Variants in NALF1 observed in about 807,000 individuals in gnomAD.
NALF1 encodes the protein NALCN channel auxiliary factor 1, also known as family with sequence similarity 155 member A.
NALF1 carries 3 observed loss-of-function variants against 48.4 expected under a neutral mutation model. The ratio of observed to expected loss-of-function variants is 0.06; its 90% CI spans 0.03 to 0.16. The LOEUF is 0.16. NALF1 is among the 10% of genes least tolerant of loss of function. NALF1 has a pLI of 1.00. For synonymous variants in NALF1, 262 were observed against 245.7 expected, an observed-to-expected ratio of 1.07 and a Z score of -0.62; for missense variants, 526 against 571.5, an observed-to-expected ratio of 0.92 and a Z score of 0.81.
intron 1 of NALF1, among the ~76,000 whole-genome samples, chr13:107,374,536 T>G (rs1168082326): frequency 6.6e-6 from 1 of 152,108 alleles, no homozygotes; most frequent in Non-Finnish European, 1.5e-5. Flanking sequence ...AAAGACACAT[T>G]TTATAATCAA....
At position 107,864,183 on chromosome 13, in the gene NALF1, G is replaced by T. The variant is rs1233362385; in HGVS notation, c.915+1499C>A. Among the ~76,000 whole-genome samples, 3 of 152,042 alleles carry T rather than the reference G, an allele frequency of 2.0e-5. No individual in the cohort carries two copies. The East Asian group carries it at 5.8e-4, about 29-fold the overall frequency. On this transcript the variant is annotated intron_variant, in intron 1 of 2. Transcript: ENST00000375915. Reference sequence around the variant, plus strand: ...CCCAGGCATAAGTTAAAGTGATATGGTTAAAAAAATAGATAAAAAAGTTTA... The same window carrying T: ...CCCAGGCATAAGTTAAAGTGATATGTTTAAAAAAATAGATAAAAAAGTTTA...
intron 1 of NALF1, among the ~76,000 whole-genome samples, chr13:107,663,522 C>T (rs1302795686): frequency 2.0e-5 from 3 of 152,164 alleles, no homozygotes; most frequent in African/African-American, 4.8e-5. Context: ...TCAAGATAAT[C>T]GTATTTTCAT....
chr13:107,624,800 T>C (rs964151443), intron 1 of NALF1, among the ~76,000 whole-genome samples: 2 of 152,208 alleles, frequency 1.3e-5, no homozygotes, highest in Non-Finnish European at 2.9e-5. Context: ...CAAGGAATAA[T>C]GGTTGCTTAT....
rs572720713 is a variant in NALF1, at chr13:107,637,932, TAGAG to T, written c.915+227746_915+227749del. On this transcript the variant is annotated intron_variant, in intron 1 of 2. Transcript: ENST00000375915. ...GCATTTTAGCTTGTGATTCTTGACT[TAGAG>T]AGTCAAATTAGCCTTAGAAACGTCA... 1.7e-3 allele frequency among the ~76,000 whole-genome samples: 253 copies of T among 152,024 alleles called. 2 individuals are homozygous for T. Among genetic ancestry groups the T allele is most frequent in the African/African-American group, 5.9e-3 (243 of 41,508 alleles).
chr13:107,267,472 T>C (rs1881065823), intron 1 of NALF1, among the ~76,000 whole-genome samples: 1 of 151,978 alleles, frequency 6.6e-6, no homozygotes, highest in Admixed American at 6.5e-5. Context: ...CTGTGTGTTG[T>C]CTGTGGTGGT....
At chr13:107,815,325 T>C (rs908318219) in intron 1 of NALF1, among the ~76,000 whole-genome samples, 1 of 149,754 alleles carries the variant, frequency 6.7e-6, no homozygotes, top group Non-Finnish European at 1.5e-5. Flanking sequence ...ACAAGATAAA[T>C]AACCCAACAA....
At chr13:107,841,888 A>C (rs536410833) in intron 1 of NALF1, among the ~76,000 whole-genome samples, 1 of 152,162 alleles carries the variant, frequency 6.6e-6, no homozygotes, top group African/African-American at 2.4e-5. Context: ...ATACGGAGAA[A>C]TATGCATCTA....
At chr13:107,691,424 T>C (rs1357709827) in intron 1 of NALF1, among the ~76,000 whole-genome samples, 12 of 152,228 alleles carry the variant, frequency 7.9e-5, no homozygotes, top group Admixed American at 7.9e-4. Context: ...TTCCTTCTGA[T>C]GATCGATACG....
intron 1 of NALF1, among the ~76,000 whole-genome samples, chr13:107,593,277 G>A (rs963086185): frequency 5.9e-5 from 9 of 151,696 alleles, no homozygotes; most frequent in Admixed American, 1.3e-4. Context: ...CAACTTCTAA[G>A]ACTAGAATTA....
chr13:107,416,187 T>TTC (rs1367698952), intron 1 of NALF1, among the ~76,000 whole-genome samples: 14 of 151,138 alleles, frequency 9.3e-5, no homozygotes, highest in Admixed American at 6.6e-5. Flanking sequence ...TTTTTTTTTT[T>TTC]TGTATTTTTA....
intron 1 of NALF1, among the ~76,000 whole-genome samples, chr13:107,555,439 A>ATTTTTTTTTTTT (rs34486058): frequency 2.7e-4 from 19 of 69,962 alleles, no homozygotes; most frequent in African/African-American, 8.8e-4. Context: ...AGCCTGGCTA[A>ATTTTTTTTTTTT]TTTTTTTTTT....
intron 1 of NALF1, among the ~76,000 whole-genome samples, chr13:107,340,489 T>TTTCTTTCTTCTCTCTTTCTTTCTTTC (rs1566489753): frequency 0.014 from 820 of 56,946 alleles, 11 homozygotes; most frequent in Middle Eastern, 0.038. Flanking sequence ...TTCTTTCTTT[T>TTTCTTTCTTCTCTCTTTCTTTCTTTC]TGTCTTTCTT....
chr13:107,527,498 A>G (rs1279731866), intron 1 of NALF1, among the ~76,000 whole-genome samples: 1 of 152,120 alleles, frequency 6.6e-6, no homozygotes, highest in Non-Finnish European at 1.5e-5. Context: ...CACAAACACA[A>G]ACATACACGT....
Position 107,547,422 on chromosome 13 carries a change from G to C in NALF1, c.915+318260C>G, listed in dbSNP as rs373912034. 2.6e-5 allele frequency among the ~76,000 whole-genome samples: 4 copies of C among 152,206 alleles called. No homozygotes were observed. In the South Asian group the frequency reaches 8.3e-4, roughly 32 times the overall value. On this transcript the variant is annotated intron_variant, in intron 1 of 2. Coordinates refer to ENST00000375915, the MANE Select transcript of NALF1 (RefSeq NM_001080396.3). ...AGTCTATAATAAATATCATCTGTTG[G>C]TTACCAAATTTTTAAACAATTGTTG...
At chr13:107,171,280 T>A (rs952498372) in intron 2 of NALF1, among the ~76,000 whole-genome samples, 2 of 152,244 alleles carry the variant, frequency 1.3e-5, no homozygotes, top group African/African-American at 4.8e-5. Context: ...TCCCCCTCTC[T>A]GGGAGAATGG....
chr13:107,321,358 T>C (rs2138914067), intron 1 of NALF1, among the ~76,000 whole-genome samples: 1 of 152,194 alleles, frequency 6.6e-6, no homozygotes, highest in Admixed American at 6.6e-5. Flanking sequence ...GAGATTGATA[T>C]TGAGTATTAA....
intron 1 of NALF1, among the ~76,000 whole-genome samples, chr13:107,627,463 C>T (rs1445670924): frequency 1.3e-5 from 2 of 151,996 alleles, no homozygotes; most frequent in Non-Finnish European, 2.9e-5. Flanking sequence ...TTACCATGAG[C>T]GAGGAGAAGG....
chr13:107,637,786 G>A (rs1279955838), intron 1 of NALF1, among the ~76,000 whole-genome samples: 1 of 152,120 alleles, frequency 6.6e-6, no homozygotes, highest in Non-Finnish European at 1.5e-5. Flanking sequence ...GCAAGTTTTT[G>A]AGAAGAAACT....
chr13:107,242,670 T>C (rs905092349), intron 1 of NALF1, among the ~76,000 whole-genome samples: 1 of 152,176 alleles, frequency 6.6e-6, no homozygotes, highest in African/African-American at 2.4e-5. Context: ...TGCCTTTTTG[T>C]TTACCTAAAT....
Sources: gnomAD v4.1 joint callset for allele counts (sites outside exome capture counted in the v4.1 genomes callset) on GRCh38, gnomAD v4.1.1 for gene constraint, MANE v1.5 for transcripts, NCBI Gene and HGNC (gene_info 2026-07-23, HGNC 2026-07-21) for gene names.